The following BCL11A variants were observed in gnomAD, a reference collection of about 807,000 sequenced individuals.
BCL11A encodes the protein BCL11 transcription factor A.
In BCL11A, 2 loss-of-function variants were observed where a neutral mutation model predicts 55.9. That is an observed-to-expected ratio of 0.04 (90% CI 0.01 to 0.11). The LOEUF (loss-of-function observed/expected upper bound fraction) is 0.11. Among genes scored for constraint, BCL11A ranks in the 10% least tolerant of loss-of-function variants. The probability of loss-of-function intolerance (pLI) is 1.00; values close to 1 mark genes in which losing one functional copy is unlikely to be tolerated. For synonymous variants in BCL11A, 465 were observed against 473.4 expected, an observed-to-expected ratio of 0.98 and a Z score of 0.23; for missense variants, 817 against 1,137.1, an observed-to-expected ratio of 0.72 and a Z score of 4.05.
At chr2:60,542,902 CGCCTGTA>C (rs2104725855) in intron 2 of BCL11A, 1 of 152,228 alleles carries the variant, frequency 6.6e-6, no homozygotes, top group East Asian at 1.9e-4. Context: ...TAGTGGCACA[CGCCTGTA>C]ATCCCAGCTA....
chr2:60,528,726 C>A (rs971292875), intron 2 of BCL11A, among the ~76,000 whole-genome samples: 3 of 152,158 alleles, frequency 2.0e-5, no homozygotes, highest in African/African-American at 7.2e-5. Context: ...ACCCCAATTT[C>A]CTCCTCTACC....
In BCL11A at chr2:60,459,893, G is replaced by T; in HGVS notation, c.*511C>A. ...CCTCCTCACGTTATAAAATAAAACT[G>T]TACATGATATGTATTACAGAATGTA... On this transcript the variant is annotated 3_prime_UTR_variant, in exon 4 of 4. Coordinates refer to ENST00000642384, the MANE Select transcript of BCL11A (RefSeq NM_022893.4). The T allele has an allele frequency of 1.9e-6, 2 of 1,052,244 alleles. No homozygotes were observed. The highest frequency in any genetic ancestry group is 1.7e-5 in the African/African-American group (1 of 60,420). The allele number at this position is 1,052,244 out of a possible 1,614,324, so 65.2% of individuals were successfully genotyped here.
rs752925788 is a variant in BCL11A at position 60,553,446 on chromosome 2, T to A, written c.-176A>T. ...TAATACAAAGATGGCGCAGGGAAGA[T>A]GAATTGTGGGAGAGCCGTCATGGCT... On this transcript the variant is annotated 5_prime_UTR_variant, in exon 1 of 4. Coordinates refer to ENST00000642384, the MANE Select transcript of BCL11A (RefSeq NM_022893.4). The A allele has an allele frequency of 2.4e-6, 1 of 414,658 alleles. No individual in the cohort carries two copies. Among genetic ancestry groups the A allele is most frequent in the South Asian group, 3.1e-5 (1 of 32,574 alleles). 25.7% of individuals were successfully genotyped at this position (414,658 alleles called of 1,614,324 possible).
intron 2 of BCL11A, among the ~76,000 whole-genome samples, chr2:60,495,224 G>GC (rs1678878383): frequency 7.1e-6 from 1 of 141,596 alleles, no homozygotes; most frequent in African/African-American, 2.6e-5. Context: ...CCCCACCCAC[G>GC]CCCCCACCCT....
intron 2 of BCL11A, among the ~76,000 whole-genome samples, chr2:60,519,781 C>A (rs1435326308): frequency 2.6e-5 from 4 of 152,184 alleles, no homozygotes; most frequent in Non-Finnish European, 4.4e-5. Flanking sequence ...TCAGAAAGGG[C>A]TCCCAGTCAC....
At chr2:60,545,605 C>G in intron 2 of BCL11A, 1 of 213,806 alleles carries the variant, frequency 4.7e-6, no homozygotes. Context: ...CACTTTGCCT[C>G]TGACACGTCA....
intron 2 of BCL11A, among the ~76,000 whole-genome samples, chr2:60,491,062 A>G (rs1261802263): frequency 1.3e-5 from 2 of 152,180 alleles, no homozygotes; most frequent in African/African-American, 2.4e-5. Context: ...TTATGTGCCA[A>G]CCAGACTGTG....
At chr2:60,519,539 T>TTGCCTGCCTGCCTGCC (rs3028029) in intron 2 of BCL11A, among the ~76,000 whole-genome samples, 12,333 of 147,564 alleles carry the variant, frequency 0.084, 732 homozygotes, top group Non-Finnish European at 0.12. Flanking sequence ...AGGTCCTCAC[T>TTGCCTGCCTGCCTGCC]TGCCTGCCTG....
At chr2:60,475,390 C>T (rs980611150) in intron 2 of BCL11A, among the ~76,000 whole-genome samples, 3 of 152,180 alleles carry the variant, frequency 2.0e-5, no homozygotes, top group African/African-American at 7.2e-5. Flanking sequence ...GTGGGTGGCC[C>T]GCTAAGGCAA....
At chr2:60,500,064 C>T (rs1257169570) in intron 2 of BCL11A, 2 of 152,966 alleles carry the variant, frequency 1.3e-5, no homozygotes, top group African/African-American at 4.8e-5. Flanking sequence ...TCCCTCCTCT[C>T]CTCCTTTCGG....
chr2:60,462,798 G>A (rs1026732570), intron 3 of BCL11A, among the ~76,000 whole-genome samples: 9 of 152,208 alleles, frequency 5.9e-5, no homozygotes, highest in African/African-American at 2.2e-4. Context: ...ATGTGCCTCT[G>A]TTTCCTCCTT....
rs993302576 is a variant in BCL11A at position 60,468,888 on chromosome 2, A to C, written c.386-55T>G. On this transcript the variant is annotated intron_variant, in intron 2 of 3. Coordinates refer to ENST00000642384, the MANE Select transcript of BCL11A (RefSeq NM_022893.4). ...CAGCTACAAACAACGTGCATCATAA[A>C]CCACAGGATATCACATTTCAATTCC... 3.8e-6 allele frequency: 4 copies of C among 1,054,248 alleles called. No individual in the cohort carries two copies. The African/African-American group carries it at 6.4e-5, about 17-fold the overall frequency. 65.3% of individuals were successfully genotyped at this position (1,054,248 alleles called of 1,614,324 possible). A position where few individuals can be genotyped will look rare whatever the true frequency, so the allele number is the denominator to read the frequency against.
At chr2:60,547,356 G>T (rs556955322) in intron 1 of BCL11A, among the ~76,000 whole-genome samples, 143 of 151,972 alleles carry the variant, frequency 9.4e-4, no homozygotes, top group African/African-American at 3.3e-3. Flanking sequence ...GGTATAACAA[G>T]GTAGACATGT....
At chr2:60,539,658 A>G (rs945483460) in intron 2 of BCL11A, among the ~76,000 whole-genome samples, 2 of 152,216 alleles carry the variant, frequency 1.3e-5, no homozygotes, top group African/African-American at 4.8e-5. Flanking sequence ...TAATGCTGGC[A>G]CTTTTAAAAT....
At chr2:60,544,879 TA>T (rs1670078895) in intron 2 of BCL11A, 1 of 152,230 alleles carries the variant, frequency 6.6e-6, no homozygotes, top group Non-Finnish European at 1.5e-5. Context: ...GGTCACTATA[TA>T]GTGTTACTGT....
At chr2:60,467,722 G>C (rs1444083368) in intron 3 of BCL11A, among the ~76,000 whole-genome samples, 1 of 104,126 alleles carries the variant, frequency 9.6e-6, no homozygotes, top group Non-Finnish European at 2.1e-5. Context: ...TGATGGTACT[G>C]GTGGTGATGG....
rs779580745 is a variant in BCL11A at position 60,468,738 on chromosome 2, C to A, written c.481G>T (p.Gly161Cys). 1.2e-6 allele frequency: 2 copies of A among 1,610,856 alleles called. No homozygotes were observed. The highest frequency in any genetic ancestry group is 1.1e-5 in the South Asian group (1 of 90,950). The change falls in exon 3 of 4, where the codon GGT becomes TGT. Residue 161 changes from glycine (G) to cysteine (C), a missense_variant. Physicochemically the swap from Gly to Cys is radical, Grantham distance 159 (BLOSUM62 -3). Transcript: ENST00000642384. Reference sequence around the variant, plus strand: ...GAAATAAGGCTCAACTTACAAATACCCTGCGGGGCATATTCTGCACTCATC... The same window carrying A: ...GAAATAAGGCTCAACTTACAAATACACTGCGGGGCATATTCTGCACTCATC... The part of the protein sequence containing the change: ...PGMSAEYAPQ[G>C]ICKDEPSSYT...
At chr2:60,467,594 A>G (rs143124586) in intron 3 of BCL11A, among the ~76,000 whole-genome samples, 53 of 16,556 alleles carry the variant, frequency 3.2e-3, no homozygotes, top group East Asian at 0.042. Context: ...GGTGGTGGTG[A>G]TGGTGGTGGT....
intron 2 of BCL11A, among the ~76,000 whole-genome samples, chr2:60,485,332 T>A (rs1678210521): frequency 6.6e-6 from 1 of 152,220 alleles, no homozygotes; most frequent in Non-Finnish European, 1.5e-5. Flanking sequence ...CCAGCAAGAA[T>A]GCCAAGGATA....
Sources: allele counts gnomAD v4.1 joint callset (sites outside exome capture counted in the v4.1 genomes callset), GRCh38; gene constraint gnomAD v4.1.1; transcripts MANE v1.5; gene names NCBI Gene and HGNC (gene_info 2026-07-23, HGNC 2026-07-21).